The following CYSLTR1 variants were observed in gnomAD, a reference collection of about 807,000 sequenced individuals.
CYSLTR1 encodes the protein G-protein coupled receptor HG55.
In CYSLTR1, 1 loss-of-function variant was observed where a neutral mutation model predicts 2.1. The observed-to-expected ratio is 0.48, with a 90% confidence interval of 0.17 to 2.28. The LOEUF (loss-of-function observed/expected upper bound fraction) is 2.28. Among genes scored for constraint, CYSLTR1 ranks in the 30% most tolerant of loss-of-function variants. The pLI is 0.26. For synonymous variants in CYSLTR1, 110 were observed against 89.6 expected (o/e 1.23, Z -1.28); for missense variants, 299 against 250.1 (o/e 1.20, Z -1.32).
intron 1 of CYSLTR1, among the ~76,000 whole-genome samples, chrX:78,293,390 T>C (rs1922439660): frequency 1.8e-5 from 2 of 111,893 alleles, no homozygotes; most frequent in South Asian, 7.6e-4. Context: ...ACCCGACCTT[T>C]CTCTCTGGCT....
At chrX:78,322,589 T>A (rs1442960683) in intron 1 of CYSLTR1, among the ~76,000 whole-genome samples, 1 of 111,892 alleles carries the variant, frequency 8.9e-6, no homozygotes, top group Non-Finnish European at 1.9e-5. Context: ...GTGACTTTCT[T>A]CCATCGTAGT....
Position 78,325,189 on chromosome X carries a change from A to G in CYSLTR1, c.-115+2116T>C, listed in dbSNP as rs185845895. Among the ~76,000 whole-genome samples the G allele has an allele frequency of 9.8e-5, 11 of 111,942 alleles. No homozygotes were observed. The East Asian group carries it at 3.1e-3, about 31-fold the overall frequency. ...TTTTAGAGTTCACATTGAGGTGTGC[A>G]TAAGTATTGTAGGGCTAGTGACAAC... On this transcript the variant is annotated intron_variant, in intron 1 of 2. Transcript: ENST00000373304.
At chrX:78,325,094 G>A (rs1923819601) in intron 1 of CYSLTR1, among the ~76,000 whole-genome samples, 1 of 112,402 alleles carries the variant, frequency 8.9e-6, no homozygotes, top group Non-Finnish European at 1.9e-5. Context: ...GGTTAAAGTA[G>A]TAACAACAAA....
chrX:78,302,175 T>TCAC (rs1922846101), intron 1 of CYSLTR1, among the ~76,000 whole-genome samples: 1 of 111,916 alleles, frequency 8.9e-6, no homozygotes, highest in Non-Finnish European at 1.9e-5. Context: ...CAGAGGAGCC[T>TCAC]CACCCCATGG....
intron 1 of CYSLTR1, among the ~76,000 whole-genome samples, chrX:78,327,062 C>CT (rs1024504073): frequency 6.3e-5 from 7 of 111,658 alleles, no homozygotes; most frequent in African/African-American, 1.3e-4. Context: ...AGTGTGTCTC[C>CT]TCTGTATTTT....
At chrX:78,293,147 T>C (rs1052093927) in intron 1 of CYSLTR1, among the ~76,000 whole-genome samples, 4 of 110,879 alleles carry the variant, frequency 3.6e-5, no homozygotes, top group Non-Finnish European at 7.6e-5. Context: ...AGTGCTTCCT[T>C]CAGGAGCTCT....
At chrX:78,316,230 G>C (rs1441417288) in intron 1 of CYSLTR1, among the ~76,000 whole-genome samples, 5 of 112,540 alleles carry the variant, frequency 4.4e-5, no homozygotes, top group African/African-American at 9.7e-5. Context: ...ATCCCTGACT[G>C]TATGTCACAG....
intron 2 of CYSLTR1, among the ~76,000 whole-genome samples, chrX:78,278,525 G>A (rs1439189936): frequency 8.9e-6 from 1 of 112,287 alleles, no homozygotes; most frequent in Non-Finnish European, 1.9e-5. Context: ...AATCAATATT[G>A]TTAAAATGGC....
At chrX:78,276,234 T>C (rs1921583615) in intron 2 of CYSLTR1, among the ~76,000 whole-genome samples, 1 of 112,262 alleles carries the variant, frequency 8.9e-6, no homozygotes, top group Non-Finnish European at 1.9e-5. Context: ...CAGAGAAGGC[T>C]TGAGGTGAGA....
chrX:78,274,314 A>C (rs1272898780), intron 2 of CYSLTR1, among the ~76,000 whole-genome samples: 2 of 111,333 alleles, frequency 1.8e-5, no homozygotes, highest in African/African-American at 6.5e-5. Context: ...ACTTCAAACT[A>C]TACTACAAGG....
intron 2 of CYSLTR1, among the ~76,000 whole-genome samples, chrX:78,274,611 A>C (rs2149180488): frequency 9.0e-6 from 1 of 111,388 alleles, no homozygotes; most frequent in Admixed American, 9.6e-5. Flanking sequence ...TATTAGACCT[A>C]AAACCATAAA....
chrX:78,288,256 G>A (rs1002832789), intron 1 of CYSLTR1, among the ~76,000 whole-genome samples: 2 of 111,142 alleles, frequency 1.8e-5, no homozygotes, highest in African/African-American at 6.6e-5. Flanking sequence ...TATTGTTGCT[G>A]CAATAGAATT....
At chrX:78,296,681 T>A (rs1361169377) in intron 1 of CYSLTR1, among the ~76,000 whole-genome samples, 1 of 111,666 alleles carries the variant, frequency 9.0e-6, no homozygotes, top group South Asian at 3.7e-4. Context: ...TTAAAATTTC[T>A]TTTTCACATT....
At chrX:78,297,060 G>T (rs1922603765) in intron 1 of CYSLTR1, among the ~76,000 whole-genome samples, 1 of 111,369 alleles carries the variant, frequency 9.0e-6, no homozygotes, top group African/African-American at 3.3e-5. Flanking sequence ...CTTGAGGCAT[G>T]TTTCTTTTAT....
chrX:78,316,285 G>C (rs1338551388), intron 1 of CYSLTR1, among the ~76,000 whole-genome samples: 1 of 112,202 alleles, frequency 8.9e-6, no homozygotes, highest in Non-Finnish European at 1.9e-5. Context: ...AGGGGTCACA[G>C]GGTGTAAGAA....
intron 1 of CYSLTR1, among the ~76,000 whole-genome samples, chrX:78,311,518 G>T (rs989099242): frequency 8.9e-6 from 1 of 111,755 alleles, no homozygotes. Flanking sequence ...GCAATAAAAG[G>T]CATTCAAATA....
chrX:78,300,572 G>T (rs951260840), intron 1 of CYSLTR1, among the ~76,000 whole-genome samples: 1 of 112,571 alleles, frequency 8.9e-6, no homozygotes, highest in Admixed American at 9.3e-5. Flanking sequence ...AGATCCAGGA[G>T]AATTCTCTAG....
intron 1 of CYSLTR1, among the ~76,000 whole-genome samples, chrX:78,302,096 G>T (rs1229731311): frequency 8.9e-6 from 1 of 112,036 alleles, no homozygotes; most frequent in Non-Finnish European, 1.9e-5. Flanking sequence ...GGGAATTGTG[G>T]GAGTTTCAAA....
chrX:78,275,939 A>T (rs2149181404), intron 2 of CYSLTR1, among the ~76,000 whole-genome samples: 1 of 112,038 alleles, frequency 8.9e-6, no homozygotes, highest in African/African-American at 3.2e-5. Context: ...GAAGCCATAT[A>T]GTTATTTAAT....
Sources: gnomAD v4.1 joint callset for allele counts (sites outside exome capture counted in the v4.1 genomes callset) on GRCh38, gnomAD v4.1.1 for gene constraint, MANE v1.5 for transcripts, NCBI Gene and HGNC (gene_info 2026-07-23, HGNC 2026-07-21) for gene names.